Variants in CD1B observed in about 807,000 individuals in gnomAD.
The protein encoded by CD1B is CD1b molecule.
Under a neutral mutation model 39.8 loss-of-function variants are expected in CD1B, and 43 were observed. The ratio of observed to expected loss-of-function variants is 1.08; its 90% CI spans 0.85 to 1.39. CD1B has a LOEUF of 1.39. Ranked by LOEUF, CD1B falls within the 40% of genes most tolerant of loss-of-function variation. The pLI is 0.00. For missense variants in CD1B, 495 were observed against 403.8 expected, an observed-to-expected ratio of 1.23 and a Z score of -1.94; for synonymous variants, 192 against 152.5, an observed-to-expected ratio of 1.26 and a Z score of -1.91.
downstream of CD1B, among the ~76,000 whole-genome samples, chr1:158,324,253 T>G (rs779495944): frequency 9.2e-5 from 14 of 152,186 alleles, no homozygotes; most frequent in Non-Finnish European, 1.8e-4. Context: ...GTATCATTGG[T>G]GGGTCTGCTA....
Position 158,331,079 on chromosome 1 carries a change from A to T in CD1B, c.62-17T>A. 1 of 1,587,080 alleles carries T rather than the reference A, an allele frequency of 6.3e-7. No individual in the cohort carries two copies. Among genetic ancestry groups the T allele is most frequent in the South Asian group, 1.2e-5 (1 of 86,254 alleles). On this transcript the variant is annotated splice_polypyrimidine_tract_variant and intron_variant, in intron 1 of 5. Transcript: ENST00000368168. ...CCTGGAAGGCTGTGAAGAGTGGAAA[A>T]GCAAGATGGTGAAGATAAAGAGAGA...
In CD1B at chr1:158,329,101, G is replaced by A. The variant is rs1571186938; in HGVS notation, c.887-87C>T. 6 of 1,145,658 alleles carry A rather than the reference G, an allele frequency of 5.2e-6. No individual in the cohort carries two copies. The Admixed American group carries it at 6.5e-5, about 12-fold the overall frequency. 71.0% of individuals were successfully genotyped at this position (1,145,658 alleles called of 1,614,324 possible). A position where few individuals can be genotyped will look rare whatever the true frequency, so the allele number is the denominator to read the frequency against. On this transcript the variant is annotated intron_variant, in intron 4 of 5. Coordinates refer to ENST00000368168, the MANE Select transcript of CD1B (RefSeq NM_001764.3). ...CTTCCTTTGCCCACCTACTTCCAAT[G>A]TATGGTCATTTCCAACTTCCTCTCT...
At chr1:158,324,556 T>C (rs1379809081), downstream of CD1B, among the ~76,000 whole-genome samples, 1 of 152,176 alleles carries the variant, frequency 6.6e-6, no homozygotes, top group East Asian at 1.9e-4. Flanking sequence ...AAAAGAGAAG[T>C]AGAAGTGAGA....
downstream of CD1B, among the ~76,000 whole-genome samples, chr1:158,324,849 G>T (rs189118603): frequency 7.9e-5 from 12 of 152,258 alleles, no homozygotes; most frequent in African/African-American, 2.9e-4. Context: ...GATGACAGAG[G>T]TGTATTGATG....
the CD1B span, among the ~76,000 whole-genome samples, chr1:158,304,870 G>A: frequency 6.6e-6 from 1 of 152,196 alleles, no homozygotes; most frequent in African/African-American, 2.4e-5. Flanking sequence ...ACCTGCTGCT[G>A]AGGGTCCTGA....
downstream of CD1B, among the ~76,000 whole-genome samples, chr1:158,324,248 A>G (rs958394166): frequency 6.6e-6 from 1 of 152,182 alleles, no homozygotes; most frequent in African/African-American, 2.4e-5. Context: ...CTGCAGTATC[A>G]TTGGTGGGTC....
the CD1B span, among the ~76,000 whole-genome samples, chr1:158,318,892 G>C: frequency 6.6e-6 from 1 of 152,156 alleles, no homozygotes; most frequent in East Asian, 1.9e-4. Context: ...TTGCTTGTCT[G>C]TAAGGTATTT....
At chr1:158,315,319 T>C in the CD1B span, among the ~76,000 whole-genome samples, 3 of 152,030 alleles carry the variant, frequency 2.0e-5, no homozygotes, top group Non-Finnish European at 2.9e-5. Flanking sequence ...CCAGCACCTG[T>C]TGTTTCCTGA....
chr1:158,300,163 C>T, the CD1B span, among the ~76,000 whole-genome samples: 1 of 152,288 alleles, frequency 6.6e-6, no homozygotes, highest in South Asian at 2.1e-4. Flanking sequence ...TTACATGTGT[C>T]CCAGAGATTC....
chr1:158,290,181 G>C, the CD1B span: 69 of 1,498,326 alleles, frequency 4.6e-5, no homozygotes, highest in Non-Finnish European at 6.3e-5. Flanking sequence ...AGTGTGCTGG[G>C]CTTTCCCGAG....
At chr1:158,289,904 G>C in the CD1B span, 1 of 614,898 alleles carries the variant, frequency 1.6e-6, no homozygotes, top group Non-Finnish European at 2.9e-6. Flanking sequence ...TGAGTAGGAG[G>C]ACCAAGGTTG....
In CD1B at chr1:158,329,786, C is replaced by T. The variant is rs1652510656; in HGVS notation, c.607+66G>A. 11 of 1,568,780 alleles carry T rather than the reference C, an allele frequency of 7.0e-6. No homozygotes were observed. In the East Asian group the frequency reaches 9.0e-5, roughly 13 times the overall value. On this transcript the variant is annotated intron_variant, in intron 3 of 5. Coordinates refer to ENST00000368168, the MANE Select transcript of CD1B (RefSeq NM_001764.3). ...ATAACTTGTTATTTAAGCTCCTATC[C>T]TTTGATATCTTCCTACTCTTGATCT...
chr1:158,300,052 C>T, the CD1B span, among the ~76,000 whole-genome samples: 13 of 152,086 alleles, frequency 8.5e-5, no homozygotes, highest in Non-Finnish European at 1.8e-4. Flanking sequence ...TTTGCTCTTG[C>T]TTCTCTAGTT....
At chr1:158,291,089 T>TC in the CD1B span, 8 of 359,538 alleles carry the variant, frequency 2.2e-5, no homozygotes, top group Non-Finnish European at 4.2e-6. Context: ...CTTGCCTCTC[T>TC]TTTTTTTTTT....
chr1:158,317,250 C>T, the CD1B span, among the ~76,000 whole-genome samples: 1 of 151,912 alleles, frequency 6.6e-6, no homozygotes. Context: ...CCAGTTCCTC[C>T]TTGTACCTCT....
chr1:158,290,459 C>A, the CD1B span, among the ~76,000 whole-genome samples: 1 of 152,026 alleles, frequency 6.6e-6, no homozygotes, highest in Non-Finnish European at 1.5e-5. Flanking sequence ...GATGAAGCAA[C>A]CTTTCAATGC....
chr1:158,304,710 C>T, the CD1B span, among the ~76,000 whole-genome samples: 1 of 152,348 alleles, frequency 6.6e-6, no homozygotes, highest in African/African-American at 2.4e-5. Context: ...ACTGACACCT[C>T]ACACGGCAGG....
At position 158,330,378 on chromosome 1, in the gene CD1B, C is replaced by T. The variant is rs147315754; in HGVS notation, c.329-248G>A. Reference sequence around the variant, plus strand: ...GTATGAAAGGAGAGGTGAGGCAGAGCGTGGTGCAGTCAGGAGTGCAGCATT... The same window carrying T: ...GTATGAAAGGAGAGGTGAGGCAGAGTGTGGTGCAGTCAGGAGTGCAGCATT... On this transcript the variant is annotated intron_variant, in intron 2 of 5. Transcript: ENST00000368168. 1.5e-3 allele frequency among the ~76,000 whole-genome samples: 235 copies of T among 152,126 alleles called. 2 individuals are homozygous for T. Among genetic ancestry groups the T allele is most frequent in the African/African-American group, 5.0e-3 (208 of 41,506 alleles).
the CD1B span, chr1:158,292,662 A>C: frequency 9.9e-6 from 16 of 1,613,772 alleles, no homozygotes; most frequent in Non-Finnish European, 1.3e-5. Context: ...CTGGTTTGTC[A>C]TGCCTCCGGC....
Sources: allele counts gnomAD v4.1 joint callset (sites outside exome capture counted in the v4.1 genomes callset), GRCh38; gene constraint gnomAD v4.1.1; transcripts MANE v1.5; gene names NCBI Gene and HGNC (gene_info 2026-07-23, HGNC 2026-07-21).